PPP1R1C: variants seen among roughly 807,000 people sequenced by gnomAD.
PPP1R1C encodes protein phosphatase 1 regulatory subunit 1C.
PPP1R1C carries 15 observed loss-of-function variants against 17.4 expected under a neutral mutation model. The observed-to-expected ratio is 0.86, with a 90% CI of 0.58 to 1.33. PPP1R1C has a LOEUF of 1.33. Ranked by LOEUF, PPP1R1C falls within the 40% of genes most tolerant of loss-of-function variation. The probability of loss-of-function intolerance (pLI) is 0.00; values close to 1 mark genes in which losing one functional copy is unlikely to be tolerated. For synonymous variants in PPP1R1C, 35 were observed against 43.1 expected, an observed-to-expected ratio of 0.81 and a Z score of 0.73; for missense variants, 143 against 130.0, an observed-to-expected ratio of 1.10 and a Z score of -0.48.
intron 2 of PPP1R1C, among the ~76,000 whole-genome samples, chr2:182,007,482 G>A (rs147914241): frequency 6.6e-6 from 1 of 152,254 alleles, no homozygotes; most frequent in East Asian, 1.9e-4. Flanking sequence ...CCCCAAATCT[G>A]TGTTGTACAT....
upstream of PPP1R1C, among the ~76,000 whole-genome samples, chr2:181,985,541 T>C (rs577012792): frequency 1.3e-5 from 2 of 152,312 alleles, no homozygotes; most frequent in East Asian, 3.9e-4. This position sits in a 1 kb window ranked among gnomAD's most constrained non-coding sequence, Gnocchi z 4.1. Context: ...TTCAACTGTT[T>C]CGTGGCTGAA....
chr2:182,119,690 T>C (rs1162958465), downstream of PPP1R1C, among the ~76,000 whole-genome samples: 16 of 152,364 alleles, frequency 1.1e-4, no homozygotes, highest in South Asian at 3.3e-3. Flanking sequence ...GTCTGTTGGC[T>C]GCATAAATGT....
At position 181,963,693 on chromosome 2, in the gene PPP1R1C, A is replaced by G. The variant is rs1684850631; in HGVS notation, n.111+9059A>G. 2.0e-5 allele frequency among the ~76,000 whole-genome samples: 3 copies of G among 152,172 alleles called. No individual in the cohort carries two copies. In the South Asian group the frequency reaches 6.2e-4, roughly 32 times the overall value. On this transcript the variant is annotated intron_variant and non_coding_transcript_variant, in intron 1 of 5. Transcript: ENST00000464264. Reference sequence around the variant, plus strand: ...ATCCAAAAGTTTTTCAAGAGAAAAAAACCCAGATTGCTAATGATAGAGTTC... The same window carrying G: ...ATCCAAAAGTTTTTCAAGAGAAAAAGACCCAGATTGCTAATGATAGAGTTC...
chr2:182,022,360 G>T (rs1389029290), intron 2 of PPP1R1C, among the ~76,000 whole-genome samples: 1 of 152,160 alleles, frequency 6.6e-6, no homozygotes, highest in African/African-American at 2.4e-5. Context: ...ATTTAATAAA[G>T]TTGCCTTCAT....
intron 2 of PPP1R1C, among the ~76,000 whole-genome samples, chr2:182,060,895 T>C (rs1376507953): frequency 1.3e-5 from 2 of 152,110 alleles, no homozygotes; most frequent in Admixed American, 6.6e-5. Context: ...CTCACAACCC[T>C]TCATACACAG....
chr2:182,046,276 A>G (rs142551178), intron 2 of PPP1R1C, among the ~76,000 whole-genome samples: 2 of 152,156 alleles, frequency 1.3e-5, no homozygotes, highest in East Asian at 3.9e-4. Flanking sequence ...AACCTACATA[A>G]TGCAACTTTG....
chr2:181,972,293 T>G (rs1685024091), intron 1 of PPP1R1C, among the ~76,000 whole-genome samples: 1 of 152,188 alleles, frequency 6.6e-6, no homozygotes, highest in South Asian at 2.1e-4. Context: ...AGAATATACT[T>G]CAGTAAGTCA....
intron 1 of PPP1R1C, among the ~76,000 whole-genome samples, chr2:181,968,291 G>T (rs574863376): frequency 6.6e-6 from 1 of 152,300 alleles, no homozygotes; most frequent in South Asian, 2.1e-4. Flanking sequence ...CTACAGTGGG[G>T]TGTTGAAGTC....
At chr2:182,025,272 T>C (rs1686567355) in intron 2 of PPP1R1C, among the ~76,000 whole-genome samples, 1 of 146,346 alleles carries the variant, frequency 6.8e-6, no homozygotes. Context: ...GTTAGTTACA[T>C]ATGTATACAT....
At chr2:181,991,509 A>C (rs1233800151) in intron 2 of PPP1R1C, among the ~76,000 whole-genome samples, 1 of 152,218 alleles carries the variant, frequency 6.6e-6, no homozygotes, top group Non-Finnish European at 1.5e-5. Context: ...TGAGTCAGGG[A>C]AAGTTTAGTA....
At chr2:182,070,047 T>A (rs1316089589) in intron 4 of PPP1R1C, among the ~76,000 whole-genome samples, 6 of 152,012 alleles carry the variant, frequency 3.9e-5, no homozygotes, top group African/African-American at 1.5e-4. Context: ...AACATACAAG[T>A]GGATAGAGCA....
chr2:182,114,000 A>T (rs79685478), intron 4 of PPP1R1C, among the ~76,000 whole-genome samples: 129 of 152,280 alleles, frequency 8.5e-4, no homozygotes, highest in African/African-American at 2.9e-3. Flanking sequence ...GAGAATAAGT[A>T]TTATATTCTG....
intron 4 of PPP1R1C, among the ~76,000 whole-genome samples, chr2:182,076,268 C>T (rs1478461478): frequency 2.7e-5 from 3 of 111,338 alleles, no homozygotes; most frequent in Non-Finnish European, 5.2e-5. Context: ...TCTCCTGGCT[C>T]ACTGCAAGCT....
chr2:182,004,822 A>T (rs1275858644), intron 2 of PPP1R1C, among the ~76,000 whole-genome samples: 1 of 152,212 alleles, frequency 6.6e-6, no homozygotes, highest in Non-Finnish European at 1.5e-5. Flanking sequence ...AGTGAACTTA[A>T]TGATTTATTG....
At chr2:182,015,360 T>C (rs530908949) in intron 2 of PPP1R1C, among the ~76,000 whole-genome samples, 1 of 152,314 alleles carries the variant, frequency 6.6e-6, no homozygotes, top group East Asian at 1.9e-4. Flanking sequence ...TCTGCCATAA[T>C]TGTGAGGCCT....
chr2:182,064,676 C>T (rs755763173), intron 4 of PPP1R1C, among the ~76,000 whole-genome samples: 8 of 152,084 alleles, frequency 5.3e-5, no homozygotes, highest in Non-Finnish European at 1.2e-4. Context: ...TTTCAGTAGA[C>T]TTCCTTCCTC....
At chr2:182,041,249 AT>A (rs1687172872) in intron 2 of PPP1R1C, among the ~76,000 whole-genome samples, 1 of 152,172 alleles carries the variant, frequency 6.6e-6, no homozygotes, top group Non-Finnish European at 1.5e-5. Flanking sequence ...TTTCTTCACA[AT>A]TTTAAAAAAT....
intron 4 of PPP1R1C, among the ~76,000 whole-genome samples, chr2:182,100,487 C>A (rs1336344743): frequency 4.8e-5 from 7 of 146,072 alleles, no homozygotes; most frequent in Non-Finnish European, 8.9e-5. Context: ...TCCCCACTAG[C>A]AACAGAGCGA....
intron 4 of PPP1R1C, among the ~76,000 whole-genome samples, chr2:182,115,776 ACTGTTTGCCAAATAGCATT>A (rs368378010): frequency 0.028 from 4,232 of 152,300 alleles, 186 homozygotes; most frequent in African/African-American, 0.097. Flanking sequence ...CAAGGACGTC[ACTGTTTGCCAAATAGCATT>A]CTGAGGCTTG....
Sources: allele counts gnomAD v4.1 joint callset (sites outside exome capture counted in the v4.1 genomes callset), GRCh38; gene constraint gnomAD v4.1.1; non-coding constraint Gnocchi (gnomAD v3.1); transcripts MANE v1.5; gene names NCBI Gene and HGNC (gene_info 2026-07-23, HGNC 2026-07-21).